RARB: variants seen among roughly 807,000 people sequenced by gnomAD.
RARB encodes the protein HBV-activated protein.
Under a neutral mutation model 51.9 loss-of-function variants are expected in RARB, and 17 were observed. The observed-to-expected ratio is 0.33, with a 90% CI of 0.22 to 0.49. RARB has a LOEUF of 0.49. Among genes scored for constraint, RARB ranks in the 20% least tolerant of loss-of-function variants. The pLI is 0.99. For synonymous variants in RARB, 215 were observed against 195.4 expected, an observed-to-expected ratio of 1.10 and a Z score of -0.84; for missense variants, 369 against 550.8, an observed-to-expected ratio of 0.67 and a Z score of 3.30.
rs113892542 is a variant in RARB, at chr3:25,256,555, C to A, written c.178+81980C>A. Among the ~76,000 whole-genome samples, 423 of 152,056 alleles carry A rather than the reference C, an allele frequency of 2.8e-3. 2 individuals carry two copies. Among genetic ancestry groups the A allele is most frequent in the African/African-American group, 9.8e-3 (407 of 41,478 alleles). ...TTAAAAATTCTTATGAAAACAAAAC[C>A]CTGTGCTGCAAAGTAGCCCATAATC... On this transcript the variant is annotated intron_variant, in intron 5 of 11. Transcript: ENST00000383772.
chr3:25,382,260 A>G (rs994348614), intron 5 of RARB, among the ~76,000 whole-genome samples: 1 of 152,246 alleles, frequency 6.6e-6, no homozygotes, highest in Non-Finnish European at 1.5e-5. Flanking sequence ...ACCTCTCAAA[A>G]TAATCAGGAC....
At chr3:24,892,016 G>A (rs771274895) in intron 2 of RARB, among the ~76,000 whole-genome samples, 5 of 152,086 alleles carry the variant, frequency 3.3e-5, no homozygotes, top group Non-Finnish European at 4.4e-5. Context: ...TACGGGTCCC[G>A]TGCCCACCCA....
intron 3 of RARB, among the ~76,000 whole-genome samples, chr3:25,505,684 A>G (rs540150329): frequency 1.6e-4 from 24 of 152,178 alleles, no homozygotes; most frequent in Non-Finnish European, 2.6e-4. Context: ...AAAAAACTCG[A>G]TTTTTAGCAG....
At chr3:25,256,722 A>G (rs79680798) in intron 5 of RARB, among the ~76,000 whole-genome samples, 6,132 of 152,220 alleles carry the variant, frequency 0.04, 155 homozygotes, top group East Asian at 0.078. Context: ...AGCAGAAAAG[A>G]TAAAGGAAAC....
chr3:25,497,637 T>A (rs1697110291), intron 2 of RARB, among the ~76,000 whole-genome samples: 1 of 152,160 alleles, frequency 6.6e-6, no homozygotes, highest in South Asian at 2.1e-4. Flanking sequence ...GGTTGTGACT[T>A]GCTCAAGTCC....
At chr3:25,382,689 C>G (rs997191628) in intron 5 of RARB, among the ~76,000 whole-genome samples, 2 of 152,148 alleles carry the variant, frequency 1.3e-5, no homozygotes, top group South Asian at 2.1e-4. Flanking sequence ...AGCCCCATCT[C>G]TACTAAAAAT....
intron 5 of RARB, among the ~76,000 whole-genome samples, chr3:25,583,608 G>T (rs923830511): frequency 8.5e-5 from 13 of 152,212 alleles, no homozygotes; most frequent in African/African-American, 2.2e-4. Flanking sequence ...CATGAGGTGA[G>T]AGCCCTCATA....
chr3:24,895,557 C>CT lies in RARB; in HGVS notation c.-380+36815dup, dbSNP rs1553611655. On this transcript the variant is annotated intron_variant, in intron 2 of 11. Coordinates refer to the RARB transcript ENST00000383772. ...TCAGGGAATTAATGCAAAATTTACG[C>CT]TTTTTTTTTTCTTTCTATATGCTAA... Among the ~76,000 whole-genome samples the CT allele has an allele frequency of 8.8e-3, 1,152 of 130,650 alleles. 13 individuals carry two copies. The highest frequency in any genetic ancestry group is 0.037 in the African/African-American group (1,030 of 27,652). The allele number at this position is 130,650 out of a possible 152,430, so 85.7% of individuals were successfully genotyped here. A position where few individuals can be genotyped will look rare whatever the true frequency, so the allele number is the denominator to read the frequency against.
intron 3 of RARB, among the ~76,000 whole-genome samples, chr3:25,061,710 T>C (rs1698554049): frequency 6.6e-6 from 1 of 151,836 alleles, no homozygotes; most frequent in African/African-American, 2.4e-5. Flanking sequence ...ATCCACTAAA[T>C]TTTATATTTT....
chr3:25,278,025 T>C (rs1703434536), intron 5 of RARB, among the ~76,000 whole-genome samples: 1 of 152,226 alleles, frequency 6.6e-6, no homozygotes, highest in Admixed American at 6.5e-5. Context: ...TTCATGCAGA[T>C]AGTTGTGGTT....
rs200369150 is a variant in RARB, at chr3:24,990,064, C to G, written c.-379-70061C>G. Among the ~76,000 whole-genome samples the G allele has an allele frequency of 9.0e-3, 921 of 102,830 alleles. 252 individuals carry two copies. The highest frequency in any genetic ancestry group is 0.033 in the African/African-American group (871 of 26,314). 67.5% of individuals were successfully genotyped at this position (102,830 alleles called of 152,430 possible). ...TCCACCCGCCTCGGCCTCCCAAAGT[C>G]CTGGGATTACAGGCGTGAGCCACCG... is the stretch of plus-strand genomic sequence containing the variant. On this transcript the variant is annotated intron_variant, in intron 2 of 11. Coordinates refer to the RARB transcript ENST00000383772.
At chr3:25,266,640 T>G (rs114903372) in intron 5 of RARB, among the ~76,000 whole-genome samples, 2,792 of 152,302 alleles carry the variant, frequency 0.018, 86 homozygotes, top group African/African-American at 0.063. Flanking sequence ...ATTCCTGTGT[T>G]GAAGCCCTGA....
intron 2 of RARB, among the ~76,000 whole-genome samples, chr3:25,053,351 C>A (rs1173798859): frequency 2.0e-5 from 3 of 152,162 alleles, no homozygotes; most frequent in Admixed American, 1.3e-4. Flanking sequence ...CACAAGACTG[C>A]AAGCTTTCCT....
chr3:25,247,605 G>A (rs1702596292), intron 5 of RARB, among the ~76,000 whole-genome samples: 1 of 152,144 alleles, frequency 6.6e-6, no homozygotes, highest in African/African-American at 2.4e-5. Context: ...CTTCCCAAGT[G>A]AGGCAATGCC....
intron 3 of RARB, among the ~76,000 whole-genome samples, chr3:25,068,725 G>A (rs1024609903): frequency 1.3e-5 from 2 of 152,106 alleles, no homozygotes; most frequent in Non-Finnish European, 2.9e-5. Flanking sequence ...GCTGCTGAAG[G>A]ATGAATCTGA....
At chr3:25,135,364 A>C (rs1700016236) in intron 4 of RARB, among the ~76,000 whole-genome samples, 1 of 151,982 alleles carries the variant, frequency 6.6e-6, no homozygotes, top group Non-Finnish European at 1.5e-5. Context: ...CCTTCATATT[A>C]CTTCTATTTC....
intron 2 of RARB, among the ~76,000 whole-genome samples, chr3:24,892,225 A>C (rs1009626782): frequency 6.6e-6 from 1 of 151,860 alleles, no homozygotes; most frequent in African/African-American, 2.4e-5. Context: ...TCTTAGAAAA[A>C]AAAAAAAAAA....
chr3:25,457,515 C>G (rs1039023121), intron 1 of RARB, among the ~76,000 whole-genome samples: 1 of 152,178 alleles, frequency 6.6e-6, no homozygotes. Context: ...CAGGAAAAGC[C>G]TTCTGGATTC....
At chr3:25,449,013 T>G (rs1415506893) in intron 1 of RARB, among the ~76,000 whole-genome samples, 1 of 152,030 alleles carries the variant, frequency 6.6e-6, no homozygotes, top group Non-Finnish European at 1.5e-5. Flanking sequence ...GGGTTCATTC[T>G]TGTGCCAAAT....
Sources: gnomAD v4.1 joint callset for allele counts (sites outside exome capture counted in the v4.1 genomes callset) on GRCh38, gnomAD v4.1.1 for gene constraint, MANE v1.5 for transcripts, NCBI Gene and HGNC (gene_info 2026-07-23, HGNC 2026-07-21) for gene names.